LPA: variants seen among roughly 807,000 people sequenced by gnomAD.
LPA encodes the protein apolipoprotein(a).
In LPA, 199 loss-of-function variants were observed where a neutral mutation model predicts 197.9. That is an observed-to-expected ratio of 1.01 (90% confidence interval 0.90 to 1.13). LPA has a LOEUF of 1.13. Among genes scored for constraint, LPA ranks in the 50% most tolerant of loss-of-function variants. The pLI is 0.00. For synonymous variants in LPA, 715 were observed against 639.5 expected (o/e 1.12, Z -1.78); for missense variants, 1,853 against 1,785.8 (o/e 1.04, Z -0.68).
intron 36 of LPA, 132 bp from the exon 37 acceptor site, chr6:160,538,093 A>C (rs1777921255): frequency 1.1e-5 from 8 of 739,110 alleles, no homozygotes; most frequent in Non-Finnish European, 1.5e-5. Flanking sequence ...ACACAGAACA[A>C]TGTAGAACAC....
intron 30 of LPA, 65 bp downstream of exon 30, chr6:160,555,960 A>G: frequency 8.3e-7 from 1 of 1,211,700 alleles, no homozygotes; most frequent in Non-Finnish European, 1.2e-6. Flanking sequence ...AGCTTGAAGC[A>G]AGGCTCTTCT....
chr6:160,602,438 C>T (rs1779262303), intron 18 of LPA, among the ~76,000 whole-genome samples: 1 of 152,142 alleles, frequency 6.6e-6, no homozygotes, highest in African/African-American at 2.4e-5. Context: ...TCTATATGTT[C>T]AAATTTTTAC....
intron 26 of LPA, among the ~76,000 whole-genome samples, chr6:160,584,169 T>TC (rs1778851108): frequency 6.9e-6 from 1 of 144,330 alleles, no homozygotes; most frequent in Non-Finnish European, 1.5e-5. Flanking sequence ...CTCATTTCTA[T>TC]TTTCTTCTTC....
Position 160,591,110 on chromosome 6 carries a change from T to C in LPA, c.3630-9A>G, listed in dbSNP as rs772241076. 1.2e-6 allele frequency: 2 copies of C among 1,613,120 alleles called. No individual in the cohort carries two copies. Among genetic ancestry groups the C allele is most frequent in the South Asian group, 1.1e-5 (1 of 91,038 alleles). On this transcript the variant is annotated splice_polypyrimidine_tract_variant and intron_variant, in intron 22 of 38. Transcript: ENST00000316300. ...AGTTCCTGGTCAGGCCACTGCAAAT[T>C]ACAAAACAATACAGTTCACCAGAGA...
rs138537098 is a variant in LPA, at chr6:160,542,605, G to A, written c.5519+83C>T. ...AGAGGCAGGTATTGATGCATCAGCT[G>A]TGTGGGTTCTGTGTAAATGTAGAAG... is the stretch of plus-strand genomic sequence containing the variant. On this transcript the variant is annotated intron_variant, in intron 34 of 38. Transcript: ENST00000316300. 3.0e-4 allele frequency: 481 copies of A among 1,598,560 alleles called. No homozygotes were observed. In the African/African-American group the frequency reaches 4.5e-3, roughly 15 times the overall value.
chr6:160,578,593 C>G lies in LPA; in HGVS notation c.4401G>C (p.Val1467=), dbSNP rs1388075518. The G allele has an allele frequency of 1.2e-6, 2 of 1,613,952 alleles. No homozygotes were observed. Among genetic ancestry groups the G allele is most frequent in the African/African-American group, 2.7e-5 (2 of 74,916 alleles). The part of the protein sequence containing the change: ...WEYCNLTRCP[V]TESSVLTTPT... Reference sequence around the variant, plus strand: ...GAGTTGTGAGGACACTCGATTCTGTCACTGGACATCGTGTCAGGTTGCAGT... The same window carrying G: ...GAGTTGTGAGGACACTCGATTCTGTGACTGGACATCGTGTCAGGTTGCAGT... Residue 1467 remains valine, a synonymous_variant, in exon 27 of 39, where the codon GTG becomes GTC. Coordinates refer to ENST00000316300, the MANE Select transcript of LPA (RefSeq NM_005577.4).
At chr6:160,653,052 A>T (rs2115101896) in intron 1 of LPA, among the ~76,000 whole-genome samples, 1 of 152,284 alleles carries the variant, frequency 6.6e-6, no homozygotes, top group South Asian at 2.1e-4. Context: ...CAACTACTTT[A>T]ATGCAAATGG....
rs765360409 is a variant in LPA, at chr6:160,589,694, G to T, written c.3806C>A (p.Pro1269His). Residue 1269 changes from proline to histidine, a missense_variant, in exon 24 of 39, where the codon CCC (proline) becomes CAC (histidine). Pro to His is a moderately conservative substitution (Grantham distance 77). Coordinates refer to ENST00000316300, the MANE Select transcript of LPA (RefSeq NM_005577.4). The stretch of plus-strand genomic sequence containing the variant: ...ACCATGGTAGCAGTCCTGGACTGTG[G>T]GGCTTTGCTCCGTTGGTGCTGAAAT... ...VSEQAPTEQS[P>H]TVQDCYHGDG... The T allele has an allele frequency of 5.2e-5, 84 of 1,613,768 alleles. No homozygotes were observed. In the East Asian group the frequency reaches 1.8e-3, roughly 36 times the overall value.
At chr6:160,544,317 G>A (rs1778029135) in intron 33 of LPA, among the ~76,000 whole-genome samples, 1 of 152,116 alleles carries the variant, frequency 6.6e-6, no homozygotes, top group African/African-American at 2.4e-5. Context: ...CTTTGAGGTA[G>A]AGGAACCACC....
chr6:160,594,006 G>C lies in LPA; in HGVS notation c.3581C>G (p.Ser1194Cys), dbSNP rs190082654. Residue 1194 changes from serine (S) to cysteine (C), a missense_variant, in exon 22 of 39, where the codon TCT (serine) becomes TGT (cysteine). Ser to Cys is a moderately radical substitution (Grantham distance 112). Transcript: ENST00000316300. The part of the protein sequence containing the change: ...VTGRTCQSWS[S>C]MTPHWHQRTT... ...CCTCTGATGCCAGTGTGGTGTCATA[G>C]AGGACCAAGACTGACATGTCCTTCC... is the stretch of plus-strand genomic sequence containing the variant. 33 of 1,613,980 alleles carry C rather than the reference G, an allele frequency of 2.0e-5. No individual in the cohort carries two copies. In the African/African-American group the frequency reaches 3.6e-4, roughly 18 times the overall value.
At chr6:160,565,910 A>G (rs1778444753) in intron 28 of LPA, among the ~76,000 whole-genome samples, 1 of 152,232 alleles carries the variant, frequency 6.6e-6, no homozygotes, top group African/African-American at 2.4e-5. Flanking sequence ...GATTCAATCA[A>G]GTGGAAGAAA....
At chr6:160,573,260 G>A (rs987280142) in intron 28 of LPA, among the ~76,000 whole-genome samples, 2 of 151,920 alleles carry the variant, frequency 1.3e-5, no homozygotes, top group African/African-American at 2.4e-5. Flanking sequence ...ATTTCCAAAG[G>A]TGTGTCCAAA....
chr6:160,663,586 G>A (rs1780260821), intron 1 of LPA, among the ~76,000 whole-genome samples: 1 of 152,184 alleles, frequency 6.6e-6, no homozygotes, highest in Admixed American at 6.5e-5. Flanking sequence ...CAAATACCCT[G>A]AGTATTTGTT....
In LPA at chr6:160,586,594, A is replaced by T; in HGVS notation, c.3984T>A (p.Ala1328=). Residue 1328 remains alanine, a synonymous_variant, in exon 25 of 39, where the codon GCT becomes GCA. Transcript: ENST00000316300. ...LTRNYCRNPD[A]EIRPWCYTMD... is the part of the protein sequence containing the mutation. ...TGGTATAACACCAAGGGCGAATCTC[A>T]GCATCTGGATTCCTGCAGTAGTTCC... 1 of 1,613,792 alleles carries T rather than the reference A, an allele frequency of 6.2e-7. No homozygotes were observed. Among genetic ancestry groups the T allele is most frequent in the Non-Finnish European group, 8.5e-7 (1 of 1,179,786 alleles).
At chr6:160,610,979 A>C (rs1372174091) in intron 16 of LPA, among the ~76,000 whole-genome samples, 1 of 151,936 alleles carries the variant, frequency 6.6e-6, no homozygotes, top group East Asian at 1.9e-4. Flanking sequence ...CATCCCTTTT[A>C]CTTTTCAGCA....
At chr6:160,611,337 C>A (rs151298886) in intron 16 of LPA, among the ~76,000 whole-genome samples, 3 of 152,044 alleles carry the variant, frequency 2.0e-5, no homozygotes, top group African/African-American at 7.2e-5. Flanking sequence ...GATCTCCTCG[C>A]CTCCTCATTT....
chr6:160,579,487 C>T (rs949568158), intron 26 of LPA, among the ~76,000 whole-genome samples: 13 of 152,216 alleles, frequency 8.5e-5, no homozygotes, highest in East Asian at 1.9e-4. Context: ...GAAAGAACAG[C>T]GGGACCCAAG....
At chr6:160,598,154 G>A (rs1779168331) in intron 20 of LPA, among the ~76,000 whole-genome samples, 1 of 152,186 alleles carries the variant, frequency 6.6e-6, no homozygotes, top group Non-Finnish European at 1.5e-5. Flanking sequence ...TGTGAGCTCT[G>A]TCACCTTTAT....
chr6:160,604,927 TG>T (rs1158497203), intron 18 of LPA, 118 bp downstream of exon 18: 1 of 1,455,162 alleles, frequency 6.9e-7, no homozygotes, highest in Non-Finnish European at 9.6e-7. Context: ...TGAGACATTT[TG>T]CTATGCACTG....
Sources: gnomAD v4.1 joint callset for allele counts (sites outside exome capture counted in the v4.1 genomes callset) on GRCh38, gnomAD v4.1.1 for gene constraint, MANE v1.5 for transcripts, NCBI Gene and HGNC (gene_info 2026-07-23, HGNC 2026-07-21) for gene names.